The following ATP6V1H variants were observed in gnomAD, a reference collection of about 807,000 sequenced individuals.
ATP6V1H encodes ATPase H+ transporting V1 subunit H, also known as V-type proton ATPase subunit H.
Under a neutral mutation model 71.7 loss-of-function variants are expected in ATP6V1H, and 39 were observed. The ratio of observed to expected loss-of-function variants is 0.54; its 90% CI spans 0.42 to 0.71. ATP6V1H has a LOEUF of 0.71. ATP6V1H is among the 30% of genes least tolerant of loss of function. The pLI, the probability that ATP6V1H is intolerant of heterozygous loss-of-function variation, is 0.00. For missense variants in ATP6V1H, 509 were observed against 594.9 expected (o/e 0.86, Z 1.50); for synonymous variants, 192 against 199.3 (o/e 0.96, Z 0.31).
rs137947104 is a variant in ATP6V1H at position 53,827,762 on chromosome 8, C to T, written c.306+1682G>A. 2.3e-3 allele frequency among the ~76,000 whole-genome samples: 352 copies of T among 152,222 alleles called. 2 individuals carry two copies. Among genetic ancestry groups the T allele is most frequent in the African/African-American group, 7.9e-3 (327 of 41,538 alleles). On this transcript the variant is annotated intron_variant, in intron 4 of 13. Coordinates refer to ENST00000359530, the MANE Select transcript of ATP6V1H (RefSeq NM_015941.4). ...TTTTTTCTGATCCTCTCTCTCCCCCCACCCTCCACCCTTGAGTAGACCCCA... is the reference window on the plus strand; with the variant it reads ...TTTTTTCTGATCCTCTCTCTCCCCCTACCCTCCACCCTTGAGTAGACCCCA...
chr8:53,821,558 G>C lies in ATP6V1H; in HGVS notation c.307-4028C>G, dbSNP rs571997947. Among the ~76,000 whole-genome samples, 11 of 151,726 alleles carry C rather than the reference G, an allele frequency of 7.2e-5. 1 individual carries two copies. Among genetic ancestry groups the C allele is most frequent in the African/African-American group, 2.4e-4 (10 of 41,356 alleles). Reference sequence around the variant, plus strand: ...TAGCTGGGCACGGCGGCACACGCCTGTAATACCAGCTACTACTACTCTGGA... The same window carrying C: ...TAGCTGGGCACGGCGGCACACGCCTCTAATACCAGCTACTACTACTCTGGA... On this transcript the variant is annotated intron_variant, in intron 4 of 13. Transcript: ENST00000359530.
At chr8:53,721,422 TCAGC>T (rs1403698209) in intron 13 of ATP6V1H, among the ~76,000 whole-genome samples, 1 of 152,220 alleles carries the variant, frequency 6.6e-6, no homozygotes, top group African/African-American at 2.4e-5. Context: ...TATTTTTATG[TCAGC>T]CTAGGAAAAA....
At chr8:53,837,597 C>G (rs1811199974) in intron 2 of ATP6V1H, among the ~76,000 whole-genome samples, 1 of 151,874 alleles carries the variant, frequency 6.6e-6, no homozygotes, top group South Asian at 2.1e-4. Flanking sequence ...GGTGGAACTT[C>G]TGGAGAGACA....
intron 12 of ATP6V1H, among the ~76,000 whole-genome samples, chr8:53,747,894 C>T (rs529588731): frequency 6.6e-6 from 1 of 151,114 alleles, no homozygotes; most frequent in African/African-American, 2.4e-5. Flanking sequence ...TGTGGGATTA[C>T]AGAGCTCACG....
Position 53,769,658 on chromosome 8 carries a change from T to C in ATP6V1H, c.1135A>G (p.Asn379Asp), listed in dbSNP as rs1808587144. 6.2e-7 allele frequency: 1 copy of C among 1,613,150 alleles called. No homozygotes were observed. The highest frequency in any genetic ancestry group is 1.3e-5 in the African/African-American group (1 of 74,882). ...TTCTTCTCATTTAACCTCACAGCAT[T>C]CTCTCTCCAAAATTTCTCAGATTTG... Reference protein sequence around the residue: ...VHKSEKFWRENAVRLNEKNYE... With the variant: ...VHKSEKFWREDAVRLNEKNYE... Residue 379 changes from asparagine (N) to aspartate (D), a missense_variant, in exon 11 of 14, where the codon AAT becomes GAT. Transcript: ENST00000359530.
At chr8:53,819,806 ATG>A (rs531362176) in intron 4 of ATP6V1H, among the ~76,000 whole-genome samples, 13 of 146,046 alleles carry the variant, frequency 8.9e-5, no homozygotes, top group Admixed American at 3.4e-4. Flanking sequence ...TACAAAGTAT[ATG>A]TGTGTGTGTG....
chr8:53,808,160 T>C (rs954752593), intron 7 of ATP6V1H, among the ~76,000 whole-genome samples: 3 of 152,216 alleles, frequency 2.0e-5, no homozygotes, highest in Non-Finnish European at 2.9e-5. Flanking sequence ...TTCTCTTGCC[T>C]ATGCGTACTG....
At chr8:53,739,418 T>C (rs1807338774) in intron 13 of ATP6V1H, 1 of 152,168 alleles carries the variant, frequency 6.6e-6, no homozygotes, top group Non-Finnish European at 1.5e-5. Flanking sequence ...GGTGAGTTTT[T>C]CTGTTATATT....
intron 9 of ATP6V1H, among the ~76,000 whole-genome samples, chr8:53,774,544 AT>A (rs1455502151): frequency 1.3e-5 from 2 of 152,348 alleles, no homozygotes; most frequent in South Asian, 2.1e-4. Flanking sequence ...TACTGGTTCA[AT>A]TTTAAAATAT....
In ATP6V1H at chr8:53,717,402, C is replaced by A. The variant is rs531414121; in HGVS notation, c.1392-1378G>T. ...CCAAAGGCTGTTCATTTTTTAATAC[C>A]ATGAGACTGAATGAAGCATCCCAGG... On this transcript the variant is annotated intron_variant, in intron 13 of 13. Coordinates refer to ENST00000359530, the MANE Select transcript of ATP6V1H (RefSeq NM_015941.4). Among the ~76,000 whole-genome samples the A allele has an allele frequency of 1.3e-3, 200 of 152,300 alleles. 1 individual carries two copies. The highest frequency in any genetic ancestry group is 4.4e-3 in the African/African-American group (184 of 41,544).
intron 12 of ATP6V1H, chr8:53,756,291 T>A: frequency 4.5e-6 from 1 of 224,534 alleles, no homozygotes; most frequent in Non-Finnish European, 8.5e-6. Context: ...GGTTTCACCA[T>A]CTTAGCCAGG....
At chr8:53,813,369 T>A (rs1810347918) in intron 6 of ATP6V1H, among the ~76,000 whole-genome samples, 1 of 152,196 alleles carries the variant, frequency 6.6e-6, no homozygotes, top group Admixed American at 6.5e-5. Context: ...CAAAATACAG[T>A]GTCTTTCTTA....
At chr8:53,827,687 G>A (rs1810868813) in intron 4 of ATP6V1H, among the ~76,000 whole-genome samples, 1 of 151,998 alleles carries the variant, frequency 6.6e-6, no homozygotes, top group African/African-American at 2.4e-5. Flanking sequence ...GGGGTATGTT[G>A]TACAGATTAT....
chr8:53,731,174 A>G (rs1224961387), intron 13 of ATP6V1H, among the ~76,000 whole-genome samples: 3 of 151,966 alleles, frequency 2.0e-5, no homozygotes, highest in Non-Finnish European at 4.4e-5. Flanking sequence ...TACCCCAGCC[A>G]CATCTCCACC....
intron 13 of ATP6V1H, among the ~76,000 whole-genome samples, chr8:53,716,924 A>T (rs992689160): frequency 2.0e-5 from 3 of 152,228 alleles, no homozygotes; most frequent in Admixed American, 1.3e-4. Flanking sequence ...TTTTCCTCTT[A>T]TAAAAAAGCA....
intron 13 of ATP6V1H, among the ~76,000 whole-genome samples, chr8:53,721,750 AGC>A (rs1392339403): frequency 6.6e-6 from 1 of 152,242 alleles, no homozygotes; most frequent in Non-Finnish European, 1.5e-5. Flanking sequence ...ATTATTGTAC[AGC>A]TGGGAGAATA....
At chr8:53,822,015 G>C (rs914734809) in intron 4 of ATP6V1H, among the ~76,000 whole-genome samples, 2 of 152,074 alleles carry the variant, frequency 1.3e-5, no homozygotes. Flanking sequence ...AGCTGATTGA[G>C]TTCAAGAAAG....
At chr8:53,782,490 G>T (rs1399095882) in intron 9 of ATP6V1H, among the ~76,000 whole-genome samples, 2 of 152,006 alleles carry the variant, frequency 1.3e-5, no homozygotes, top group Non-Finnish European at 2.9e-5. Context: ...TCTGCAAACA[G>T]GGACAATTTG....
At chr8:53,830,381 G>A (rs1050510189) in intron 3 of ATP6V1H, among the ~76,000 whole-genome samples, 1 of 152,024 alleles carries the variant, frequency 6.6e-6, no homozygotes, top group Non-Finnish European at 1.5e-5. Flanking sequence ...TAAAAAAATG[G>A]AGACCTTATC....
Sources: allele counts gnomAD v4.1 joint callset (sites outside exome capture counted in the v4.1 genomes callset), GRCh38; gene constraint gnomAD v4.1.1; transcripts MANE v1.5; gene names NCBI Gene and HGNC (gene_info 2026-07-23, HGNC 2026-07-21).